The following GGA3 variants were observed in gnomAD, a reference collection of about 807,000 sequenced individuals.
The protein encoded by GGA3 is golgi associated, gamma adaptin ear containing, ARF binding protein 3.
GGA3 carries 57 observed loss-of-function variants against 77.5 expected under a neutral mutation model. The ratio of observed to expected loss-of-function variants is 0.74; its 90% CI spans 0.59 to 0.92. GGA3 has a LOEUF of 0.92. Ranked by LOEUF, GGA3 falls within the 40% of genes least tolerant of loss-of-function variation. The probability of loss-of-function intolerance (pLI) is 0.00; values close to 1 mark genes in which losing one functional copy is unlikely to be tolerated. For synonymous variants in GGA3, 416 were observed against 383.7 expected, an observed-to-expected ratio of 1.08 and a Z score of -0.98; for missense variants, 970 against 914.9, an observed-to-expected ratio of 1.06 and a Z score of -0.78.
upstream of GGA3, chr17:75,261,729 A>G: frequency 1.8e-6 from 2 of 1,142,074 alleles, no homozygotes; most frequent in Non-Finnish European, 2.4e-6. Flanking sequence ...CAGGGAGGGC[A>G]AGGGTTTCCT....
Position 75,239,282 on chromosome 17 carries a change from CAA to C in GGA3, c.1780+91_1780+92del, listed in dbSNP as rs1314240705. ...CTGCCTGGCTTTAAGGGACCCCCTG[CAA>C]AGAGTGCCTGGATCCATCCCTGTCG... is the stretch of plus-strand genomic sequence containing the variant. On this transcript the variant is annotated intron_variant, in intron 14 of 16. Coordinates refer to ENST00000537686, the MANE Select transcript of GGA3 (RefSeq NM_138619.4). The C allele has an allele frequency of 7.6e-6, 9 of 1,182,114 alleles. No individual in the cohort carries two copies. In the East Asian group the frequency reaches 9.7e-5, roughly 13 times the overall value. The allele number at this position is 1,182,114 out of a possible 1,614,324, so 73.2% of individuals were successfully genotyped here.
Position 75,250,844 on chromosome 17 carries a change from G to A in GGA3, c.41-4048C>T, listed in dbSNP as rs150477373. Among the ~76,000 whole-genome samples the A allele has an allele frequency of 4.5e-3, 671 of 150,370 alleles. 6 individuals carry two copies. The highest frequency in any genetic ancestry group is 0.015 in the African/African-American group (618 of 40,856). The stretch of plus-strand genomic sequence containing the variant: ...TGTAATCCCAGCACTTTGGGAGGCC[G>A]AGGCAGGCGGATCACCTGCGTGAGG... On this transcript the variant is annotated intron_variant, in intron 1 of 16. Transcript: ENST00000537686.
chr17:75,248,494 A>AAAAAAAAAAAAAC (rs1598419606), intron 1 of GGA3, among the ~76,000 whole-genome samples: 3 of 136,432 alleles, frequency 2.2e-5, no homozygotes, highest in Non-Finnish European at 3.1e-5. Context: ...AAAAAAAAAA[A>AAAAAAAAAAAAAC]TCACCAGCTG....
In GGA3 at chr17:75,238,249, T is replaced by G. The variant is rs766355601; in HGVS notation, c.*30A>C. 16 of 1,607,900 alleles carry G rather than the reference T, an allele frequency of 1.0e-5. No homozygotes were observed. The East Asian group carries it at 3.6e-4, about 36-fold the overall frequency. On this transcript the variant is annotated 3_prime_UTR_variant, in exon 17 of 17. Coordinates refer to ENST00000537686, the MANE Select transcript of GGA3 (RefSeq NM_138619.4). ...TCGTCTCAGGGCAGCCTGCCTGGCT[T>G]CAAGGTGGAGATCACAGCGTCCTCT... is the stretch of plus-strand genomic sequence containing the variant.
chr17:75,247,576 A>G (rs1384074597), intron 1 of GGA3, among the ~76,000 whole-genome samples: 1 of 152,070 alleles, frequency 6.6e-6, no homozygotes, highest in Non-Finnish European at 1.5e-5. Flanking sequence ...TTTTCCACAT[A>G]CCTGTCAAAA....
Position 75,246,713 on chromosome 17 carries a change from C to A in GGA3, c.124G>T (p.Gly42Trp). 1 of 1,613,190 alleles carries A rather than the reference C, an allele frequency of 6.2e-7. No individual in the cohort carries two copies. The highest frequency in any genetic ancestry group is 2.2e-5 in the East Asian group (1 of 44,886). Residue 42 changes from glycine to tryptophan, a missense_variant and splice_region_variant, in exon 2 of 17, where the codon GGG (glycine) becomes TGG (tryptophan). Physicochemically the swap from Gly to Trp is radical, Grantham distance 184. Transcript: ENST00000537686. Reference sequence around the variant, plus strand: ...TGCCCCCACAGTGCTGAGACTCACCCTTCCAGCTCCTTGTTGATCTGATCA... The same window carrying A: ...TGCCCCCACAGTGCTGAGACTCACCATTCCAGCTCCTTGTTGATCTGATCA... ...FCDQINKELE[G>W]PQIAVRLLAH...
rs1250406736 is a variant in GGA3, at chr17:75,240,897, G to T, written c.1107C>A (p.Arg369=). ...GGGTGGCCTCGGCCTGGCTAGAGGA[G>T]CGGCTCCGTGGAGGTCCTGAGGCCT... The part of the protein sequence containing the change: ...PPQASGPPRS[R]SSSQAEATLG... Residue 369 remains arginine (R), a synonymous_variant, in exon 11 of 17, where the codon CGC becomes CGA. Coordinates refer to ENST00000537686, the MANE Select transcript of GGA3 (RefSeq NM_138619.4). 4 of 1,613,718 alleles carry T rather than the reference G, an allele frequency of 2.5e-6. No homozygotes were observed. Among genetic ancestry groups the T allele is most frequent in the African/African-American group, 1.3e-5 (1 of 74,902 alleles).
At chr17:75,239,108 G>A (rs1214807598) in intron 14 of GGA3, 25 bp from the exon 15 acceptor site, 4 of 1,604,906 alleles carry the variant, frequency 2.5e-6, no homozygotes, top group Admixed American at 1.7e-5. Context: ...CGTGAGTGTG[G>A]GAGGAGCAGC....
chr17:75,250,979 G>C (rs2076945675), intron 1 of GGA3, among the ~76,000 whole-genome samples: 1 of 151,406 alleles, frequency 6.6e-6, no homozygotes, highest in African/African-American at 2.4e-5. Context: ...TACTCAGGAG[G>C]CTAAGGCAGG....
Position 75,239,484 on chromosome 17 carries a change from G to T in GGA3, c.1671C>A (p.Pro557=). ...TCAGTGGCTGGAAGAGCGGGCTGCCGGGCCCCGTGGAGAAGGGCAGGAGGG... is the reference window on the plus strand; with the variant it reads ...TCAGTGGCTGGAAGAGCGGGCTGCCTGGCCCCGTGGAGAAGGGCAGGAGGG... The part of the protein sequence containing the change: ...ARPLLPFSTG[P]GSPLFQPLSF... Residue 557 remains proline (P), a synonymous_variant, in exon 14 of 17, where the codon CCC becomes CCA. Coordinates refer to ENST00000537686, the MANE Select transcript of GGA3 (RefSeq NM_138619.4). 1 of 1,578,818 alleles carries T rather than the reference G, an allele frequency of 6.3e-7. No individual in the cohort carries two copies. Among genetic ancestry groups the T allele is most frequent in the Non-Finnish European group, 8.6e-7 (1 of 1,168,942 alleles).
Position 75,237,265 on chromosome 17 carries a change from G to A in GGA3, c.*1014C>T. 1.6e-6 allele frequency: 1 copy of A among 606,398 alleles called. No individual in the cohort carries two copies. Among genetic ancestry groups the A allele is most frequent in the Non-Finnish European group, 2.9e-6 (1 of 339,536 alleles). 37.6% of individuals were successfully genotyped at this position (606,398 alleles called of 1,614,324 possible). On this transcript the variant is annotated 3_prime_UTR_variant, in exon 17 of 17. Transcript: ENST00000537686. ...CGCTGACAGTGCCCCTCAGTAGCTG[G>A]GGAACAGTTGAGGTTTCTGGGCAGC...
intron 1 of GGA3, among the ~76,000 whole-genome samples, chr17:75,251,285 T>C (rs1372719983): frequency 6.6e-6 from 1 of 151,266 alleles, no homozygotes. Context: ...ACAGAAAAAG[T>C]TCCAGACACA....
rs887027353 is a variant in GGA3, at chr17:75,241,407, G to A, written c.939C>T (p.Asp313=). ...NGEVATLTLP[D]SEGNSQCSNQ... ...GGGACCAGAGCATCTCACCTTCCGA[G>A]TCAGGCAGGGTTAAGGTAGCCACCT... Residue 313 remains aspartate (D), a synonymous_variant, in exon 10 of 17, where the codon GAC becomes GAT. Transcript: ENST00000537686. The A allele has an allele frequency of 1.2e-6, 2 of 1,601,444 alleles. No homozygotes were observed. The highest frequency in any genetic ancestry group is 1.7e-6 in the Non-Finnish European group (2 of 1,168,770).
At chr17:75,257,793 G>A (rs549053956) in intron 1 of GGA3, among the ~76,000 whole-genome samples, 9 of 151,988 alleles carry the variant, frequency 5.9e-5, no homozygotes, top group African/African-American at 1.9e-4. Context: ...AAAAATTTTC[G>A]CTGCCCCAAC....
At chr17:75,257,014 C>G (rs986018386) in intron 1 of GGA3, among the ~76,000 whole-genome samples, 5 of 152,036 alleles carry the variant, frequency 3.3e-5, no homozygotes, top group African/African-American at 1.2e-4. Context: ...TTCTCAGGCT[C>G]TTAGTATTCA....
chr17:75,240,175 C>A lies in GGA3; in HGVS notation c.1264-67G>T, dbSNP rs2076492289. On this transcript the variant is annotated intron_variant, in intron 12 of 16. Transcript: ENST00000537686. ...GAGGGCCTGCCGCTGGAACGGGGCG[C>A]AGCCCTCCAAGGACTGCACGGAAGA... 8 of 1,337,474 alleles carry A rather than the reference C, an allele frequency of 6.0e-6. No individual in the cohort carries two copies. The Admixed American group carries it at 1.6e-4, about 27-fold the overall frequency. 82.9% of individuals were successfully genotyped at this position (1,337,474 alleles called of 1,614,324 possible). A position where few individuals can be genotyped will look rare whatever the true frequency, so the allele number is the denominator to read the frequency against.
At chr17:75,241,284 A>G (rs2076546363) in intron 10 of GGA3, 116 bp downstream of exon 10, 1 of 787,996 alleles carries the variant, frequency 1.3e-6, no homozygotes, top group African/African-American at 1.7e-5. Flanking sequence ...AATGGCAAAG[A>G]ACTCCCTTGG....
intron 8 of GGA3, 85 bp downstream of exon 8, chr17:75,242,251 C>G: frequency 7.1e-7 from 1 of 1,400,740 alleles, no homozygotes; most frequent in East Asian, 2.3e-5. Context: ...GTGTCTCTGA[C>G]AAGGCACGTG....
intron 1 of GGA3, among the ~76,000 whole-genome samples, chr17:75,249,416 C>T (rs757955345): frequency 6.6e-6 from 1 of 152,172 alleles, no homozygotes. Context: ...CCTTCAAAAT[C>T]TGGAGCTTGA....
Sources: gnomAD v4.1 joint callset for allele counts (sites outside exome capture counted in the v4.1 genomes callset) on GRCh38, gnomAD v4.1.1 for gene constraint, MANE v1.5 for transcripts, NCBI Gene and HGNC (gene_info 2026-07-23, HGNC 2026-07-21) for gene names.